Variants in NIBAN1 observed in about 807,000 individuals in gnomAD.
The protein encoded by NIBAN1 is niban apoptosis regulator 1.
NIBAN1 carries 81 observed loss-of-function variants against 75.1 expected under a neutral mutation model. The ratio of observed to expected loss-of-function variants is 1.08; its 90% confidence interval spans 0.90 to 1.30. The LOEUF (loss-of-function observed/expected upper bound fraction) is 1.30. Ranked by LOEUF, NIBAN1 falls within the 50% of genes most tolerant of loss-of-function variation. The pLI is 0.00. For synonymous variants in NIBAN1, 436 were observed against 424.8 expected (o/e 1.03, Z -0.32); for missense variants, 1,133 against 1,128.1 (o/e 1.00, Z -0.06).
intron 9 of NIBAN1, among the ~76,000 whole-genome samples, chr1:184,816,836 T>C (rs1330068719): frequency 3.3e-5 from 5 of 150,990 alleles, no homozygotes; most frequent in South Asian, 2.1e-4. Context: ...TTTCTCAAAA[T>C]TGAGAAAATG....
rs555509162 is a variant in NIBAN1 at position 184,841,206 on chromosome 1, T to G, written c.602-9244A>C. ...TAAACAATATGTGCCTGATACATAG[T>G]AGGCATGAATAAAAAATTGGTGAAT... On this transcript the variant is annotated intron_variant, in intron 5 of 13. Coordinates refer to ENST00000367511, the MANE Select transcript of NIBAN1 (RefSeq NM_052966.4). Among the ~76,000 whole-genome samples the G allele has an allele frequency of 2.0e-5, 3 of 152,170 alleles. No individual in the cohort carries two copies. In the East Asian group the frequency reaches 5.8e-4, roughly 29 times the overall value.
chr1:184,837,875 C>G (rs150652084), intron 5 of NIBAN1, among the ~76,000 whole-genome samples: 189 of 152,274 alleles, frequency 1.2e-3, no homozygotes, highest in African/African-American at 4.4e-3. Flanking sequence ...TATTTCTCTT[C>G]AACTGTTCTT....
rs1287142983 is a variant in NIBAN1, at chr1:184,798,132, T to C, written c.1613A>G (p.Glu538Gly). Residue 538 changes from glutamate (E) to glycine (G), a missense_variant, in exon 13 of 14, where the codon GAA becomes GGA. Coordinates refer to ENST00000367511, the MANE Select transcript of NIBAN1 (RefSeq NM_052966.4). ...FADHTNMIHV[E>G]NVYEEILHQI... ...ATGTAAAATCTCCTCATAGACATTTTCAACGTGAATCATATTGGTATGATC... is the reference window on the plus strand; with the variant it reads ...ATGTAAAATCTCCTCATAGACATTTCCAACGTGAATCATATTGGTATGATC... The C allele has an allele frequency of 6.2e-7, 1 of 1,612,268 alleles. No individual in the cohort carries two copies. The highest frequency in any genetic ancestry group is 2.2e-5 in the East Asian group (1 of 44,844).
intron 10 of NIBAN1, 193 bp downstream of exon 10, chr1:184,807,881 G>A (rs986771575): frequency 3.2e-6 from 2 of 622,830 alleles, no homozygotes; most frequent in Non-Finnish European, 5.8e-6. Flanking sequence ...GCTATGTCTT[G>A]TCTATGATGT....
intron 1 of NIBAN1, among the ~76,000 whole-genome samples, chr1:184,922,670 A>G (rs902081702): frequency 1.3e-5 from 2 of 152,152 alleles, no homozygotes; most frequent in African/African-American, 4.8e-5. Context: ...GCAATGGCAC[A>G]ATCTCAGCTT....
At chr1:184,952,429 G>A (rs1012467800) in intron 1 of NIBAN1, among the ~76,000 whole-genome samples, 2 of 152,110 alleles carry the variant, frequency 1.3e-5, no homozygotes, top group Non-Finnish European at 2.9e-5. Flanking sequence ...AGAAATAGAT[G>A]TGTTCCATGA....
At chr1:184,881,530 C>T (rs1656378552) in intron 5 of NIBAN1, among the ~76,000 whole-genome samples, 1 of 152,106 alleles carries the variant, frequency 6.6e-6, no homozygotes, top group African/African-American at 2.4e-5. Context: ...AGAGAGGGTT[C>T]TTGGATCTCG....
intron 5 of NIBAN1, 95 bp downstream of exon 5, chr1:184,884,538 T>G (rs1656460598): frequency 1.3e-6 from 2 of 1,519,556 alleles, no homozygotes; most frequent in African/African-American, 1.4e-5. Context: ...CTGTGGCTCT[T>G]TCTAAGAATC....
intron 1 of NIBAN1, among the ~76,000 whole-genome samples, chr1:184,929,856 A>T (rs190495104): frequency 6.6e-6 from 1 of 152,252 alleles, no homozygotes; most frequent in African/African-American, 2.4e-5. Flanking sequence ...TCTACTGAAC[A>T]TTGTGCTTGA....
At chr1:184,873,640 C>T (rs994808423) in intron 5 of NIBAN1, among the ~76,000 whole-genome samples, 4 of 152,212 alleles carry the variant, frequency 2.6e-5, no homozygotes, top group Admixed American at 6.5e-5. Context: ...CTCTTAGGAA[C>T]TCAAATCTCT....
intron 1 of NIBAN1, among the ~76,000 whole-genome samples, chr1:184,958,923 C>G (rs1658558700): frequency 6.6e-6 from 1 of 152,230 alleles, no homozygotes; most frequent in Non-Finnish European, 1.5e-5. Flanking sequence ...AAGCCTGCAT[C>G]TGCTTTGCTT....
chr1:184,937,977 G>A (rs1658003834), intron 1 of NIBAN1, among the ~76,000 whole-genome samples: 1 of 152,218 alleles, frequency 6.6e-6, no homozygotes, highest in Admixed American at 6.5e-5. Context: ...TGGCAGGCAG[G>A]TAGAGGTTTA....
At chr1:184,818,487 A>G in intron 9 of NIBAN1, 151 bp downstream of exon 9, 2 of 726,066 alleles carry the variant, frequency 2.8e-6, no homozygotes, top group Non-Finnish European at 4.4e-6. Flanking sequence ...GTCTGAATGA[A>G]CGGAAGAAAG....
intron 5 of NIBAN1, among the ~76,000 whole-genome samples, chr1:184,839,699 G>A (rs1356427960): frequency 1.3e-5 from 2 of 151,932 alleles, no homozygotes; most frequent in Non-Finnish European, 1.5e-5. Context: ...GGGTTCAAGC[G>A]ATTATCCTGC....
intron 1 of NIBAN1, among the ~76,000 whole-genome samples, chr1:184,902,817 C>A (rs915606115): frequency 6.6e-6 from 1 of 152,170 alleles, no homozygotes; most frequent in African/African-American, 2.4e-5. Flanking sequence ...TCTCTCTGAG[C>A]CTCAATTTTC....
Position 184,926,215 on chromosome 1 carries a change from C to T in NIBAN1, c.56-26906G>A, listed in dbSNP as rs189897411. On this transcript the variant is annotated intron_variant, in intron 1 of 13. Transcript: ENST00000367511. ...AAGTCTGCTGCCAGACATATTGGAG[C>T]TCCATCGTATGTTTTTTATTTGTCT... Among the ~76,000 whole-genome samples, 502 of 152,154 alleles carry T rather than the reference C, an allele frequency of 3.3e-3. 2 individuals are homozygous for T. The highest frequency in any genetic ancestry group is 5.2e-3 in the Non-Finnish European group (355 of 67,994).
chr1:184,961,167 C>T (rs934062170), intron 1 of NIBAN1, among the ~76,000 whole-genome samples: 3 of 140,038 alleles, frequency 2.1e-5, no homozygotes, highest in Non-Finnish European at 4.6e-5. Context: ...CTCCTGGGTT[C>T]ACGCCATTCT....
intron 5 of NIBAN1, among the ~76,000 whole-genome samples, chr1:184,881,757 T>A (rs189741342): frequency 6.6e-6 from 1 of 152,334 alleles, no homozygotes; most frequent in East Asian, 1.9e-4. Flanking sequence ...CCATGGTATT[T>A]GTAAACTGTC....
chr1:184,942,877 G>A (rs950728215), intron 1 of NIBAN1, among the ~76,000 whole-genome samples: 1 of 152,034 alleles, frequency 6.6e-6, no homozygotes, highest in South Asian at 2.1e-4. Flanking sequence ...ATGAGAAAAG[G>A]GACCTCCAAG....
Sources: gnomAD v4.1 joint callset for allele counts (sites outside exome capture counted in the v4.1 genomes callset) on GRCh38, gnomAD v4.1.1 for gene constraint, MANE v1.5 for transcripts, NCBI Gene and HGNC (gene_info 2026-07-23, HGNC 2026-07-21) for gene names.